Variants in PTBP2 observed in about 807,000 individuals in gnomAD.
The protein encoded by PTBP2 is polypyrimidine tract-binding protein 2.
A neutral mutation model predicts 61.4 loss-of-function variants in PTBP2; 13 were observed. The observed-to-expected ratio is 0.21, with a 90% CI of 0.14 to 0.34. PTBP2 has a LOEUF of 0.34. PTBP2 is among the 10% of genes least tolerant of loss of function. The pLI is 1.00. For missense variants in PTBP2, 405 were observed against 642.6 expected (o/e 0.63, Z 4.00); for synonymous variants, 215 against 218.5 (o/e 0.98, Z 0.14).
intron 2 of PTBP2, among the ~76,000 whole-genome samples, chr1:96,743,892 T>G (rs1284206751): frequency 6.6e-6 from 1 of 152,106 alleles, no homozygotes; most frequent in African/African-American, 2.4e-5. Context: ...TTATTTTGTA[T>G]GAATGTTAAA....
At chr1:96,810,780 T>C (rs965455584) in intron 11 of PTBP2, among the ~76,000 whole-genome samples, 11 of 152,356 alleles carry the variant, frequency 7.2e-5, no homozygotes, top group African/African-American at 2.2e-4. Flanking sequence ...GTTTGTTCAC[T>C]TAAAATAGTT....
intron 3 of PTBP2, among the ~76,000 whole-genome samples, chr1:96,759,385 T>C (rs1570818438): frequency 6.6e-6 from 1 of 152,228 alleles, no homozygotes; most frequent in East Asian, 1.9e-4. Flanking sequence ...ACTACTAGCA[T>C]AGTTAGTGAC....
chr1:96,784,099 A>C (rs1399684293), intron 7 of PTBP2, among the ~76,000 whole-genome samples: 2 of 152,118 alleles, frequency 1.3e-5, no homozygotes, highest in Non-Finnish European at 2.9e-5. Context: ...TTTCCATAAC[A>C]CGACATGTTT....
intron 3 of PTBP2, among the ~76,000 whole-genome samples, chr1:96,766,278 T>C (rs570816456): frequency 6.6e-6 from 1 of 152,368 alleles, no homozygotes; most frequent in South Asian, 2.1e-4. Context: ...AATGGTGTGC[T>C]TAAAGATTTT....
At chr1:96,817,553 C>T (rs138989526), downstream of PTBP2, 41 of 152,054 alleles carry the variant, frequency 2.7e-4, no homozygotes, top group East Asian at 7.3e-3. Context: ...TGTTCAAATA[C>T]GCGGAAAAAT....
intron 3 of PTBP2, 92 bp downstream of exon 3, chr1:96,751,592 T>C: frequency 2.1e-6 from 2 of 940,218 alleles, no homozygotes; most frequent in South Asian, 1.6e-5. Context: ...CAGGAAAGCC[T>C]TTCTTTTTAA....
downstream of PTBP2, chr1:96,816,699 A>T (rs1242215176): frequency 2.0e-5 from 3 of 152,170 alleles, no homozygotes; most frequent in African/African-American, 7.2e-5. Context: ...TAATTCATTC[A>T]TGTACATCTA....
intron 9 of PTBP2, among the ~76,000 whole-genome samples, chr1:96,805,180 T>A (rs1387963435): frequency 1.3e-5 from 2 of 152,130 alleles, no homozygotes; most frequent in East Asian, 3.9e-4. Flanking sequence ...CCTAACCTAT[T>A]TTTCCTAAGA....
chr1:96,796,244 A>G (rs1372596007), intron 8 of PTBP2, among the ~76,000 whole-genome samples: 2 of 151,412 alleles, frequency 1.3e-5, no homozygotes, highest in African/African-American at 4.9e-5. Context: ...CTTGAGGCCA[A>G]CATTTTGAGA....
intron 3 of PTBP2, among the ~76,000 whole-genome samples, chr1:96,767,433 C>G (rs955090640): frequency 6.6e-6 from 1 of 152,010 alleles, no homozygotes; most frequent in Non-Finnish European, 1.5e-5. Context: ...TTAGGAGAAA[C>G]TGAAATTTGC....
At chr1:96,819,399 T>G (rs1196231756), downstream of PTBP2, 1 of 152,014 alleles carries the variant, frequency 6.6e-6, no homozygotes, top group African/African-American at 2.4e-5. Flanking sequence ...CAATCTTATC[T>G]ATTGTCATGT....
At chr1:96,821,609 G>T (rs1287408716) in exon 14 of PTBP2, 2 of 148,944 alleles carry the variant, frequency 1.3e-5, no homozygotes. Flanking sequence ...CACATAAATT[G>T]CTAACATTTG....
chr1:96,804,968 C>G, intron 9 of PTBP2, 29 bp downstream of exon 9: 1 of 1,472,898 alleles, frequency 6.8e-7, no homozygotes, highest in Non-Finnish European at 9.1e-7. Context: ...AATGTTTATT[C>G]TTTAACTCCA....
intron 3 of PTBP2, 60 bp from the exon 4 acceptor site, chr1:96,769,643 G>T: frequency 8.2e-7 from 1 of 1,225,576 alleles, no homozygotes; most frequent in South Asian, 2.6e-5. Context: ...TACACAAATA[G>T]GAAAATTCAT....
Position 96,747,902 on chromosome 1 carries a change from T to A in PTBP2, c.40-3523T>A, listed in dbSNP as rs1442813858. On this transcript the variant is annotated intron_variant, in intron 2 of 13. Coordinates refer to ENST00000674951, the MANE Select transcript of PTBP2 (RefSeq NM_021190.4). ...ATTTCATTGTCTTTTTTTTTTAAAG[T>A]CAGCTTTTGATTTTACTGATCCTCT... is the stretch of plus-strand genomic sequence containing the variant. 2.0e-5 allele frequency among the ~76,000 whole-genome samples: 3 copies of A among 151,992 alleles called. No homozygotes were observed. In the East Asian group the frequency reaches 5.8e-4, roughly 29 times the overall value.
intron 8 of PTBP2, among the ~76,000 whole-genome samples, chr1:96,789,666 G>T (rs1659579716): frequency 6.6e-6 from 1 of 151,916 alleles, no homozygotes; most frequent in African/African-American, 2.4e-5. Context: ...ATTTGTATGG[G>T]TTATTCATTT....
chr1:96,755,334 A>C (rs1445909919), intron 3 of PTBP2, among the ~76,000 whole-genome samples: 1 of 152,228 alleles, frequency 6.6e-6, no homozygotes, highest in Non-Finnish European at 1.5e-5. Context: ...AAAATTAAAA[A>C]GAGTGCCATC....
intron 2 of PTBP2, among the ~76,000 whole-genome samples, chr1:96,740,028 CT>C (rs370884454): frequency 4.6e-5 from 7 of 152,138 alleles, no homozygotes; most frequent in Admixed American, 1.3e-4. Flanking sequence ...TGTGTTTGTC[CT>C]TTTGTGACTG....
At chr1:96,809,146 G>A (rs1571031571) in intron 11 of PTBP2, among the ~76,000 whole-genome samples, 1 of 152,084 alleles carries the variant, frequency 6.6e-6, no homozygotes, top group East Asian at 1.9e-4. Flanking sequence ...TAAGTAGATA[G>A]AACTACAGGT....
Sources: gnomAD v4.1 joint callset for allele counts (sites outside exome capture counted in the v4.1 genomes callset) on GRCh38, gnomAD v4.1.1 for gene constraint, MANE v1.5 for transcripts, NCBI Gene and HGNC (gene_info 2026-07-23, HGNC 2026-07-21) for gene names.